RORA: variants seen among roughly 807,000 people sequenced by gnomAD.
The protein encoded by RORA is RAR related orphan receptor A.
Under a neutral mutation model 69.5 loss-of-function variants are expected in RORA, and 7 were observed. The observed-to-expected ratio is 0.10, with a 90% CI of 0.06 to 0.19. The LOEUF (loss-of-function observed/expected upper bound fraction) is 0.19, where lower values mean the gene tolerates loss of function less well. Ranked by LOEUF, RORA falls within the 10% of genes least tolerant of loss-of-function variation. The pLI, the probability that RORA is intolerant of heterozygous loss-of-function variation, is 1.00. For missense variants in RORA, 457 were observed against 663.0 expected (o/e 0.69, Z 3.41); for synonymous variants, 261 against 240.8 (o/e 1.08, Z -0.78).
At chr15:60,689,572 T>C (rs928289756) in intron 1 of RORA, among the ~76,000 whole-genome samples, 1 of 152,206 alleles carries the variant, frequency 6.6e-6, no homozygotes, top group Non-Finnish European at 1.5e-5. Flanking sequence ...TACCTGCGAA[T>C]GTGACCTCAT....
At chr15:60,568,309 G>A (rs749478441) in intron 2 of RORA, among the ~76,000 whole-genome samples, 1 of 152,212 alleles carries the variant, frequency 6.6e-6, no homozygotes, top group Non-Finnish European at 1.5e-5. Flanking sequence ...GGCATCCTGA[G>A]GGTAGTGATG....
chr15:60,958,047 T>C lies in RORA; in HGVS notation c.166+271006A>G, dbSNP rs191276336. ...AATGTCTCCTTTGAAATTGTTCGTC[T>C]ACTTTATTTCTTCAATTGGATAAAT... On this transcript the variant is annotated intron_variant, in intron 1 of 10. Coordinates refer to ENST00000335670, the MANE Select transcript of RORA (RefSeq NM_134261.3). Among the ~76,000 whole-genome samples the C allele has an allele frequency of 3.7e-4, 57 of 152,030 alleles. 1 individual carries two copies. Among genetic ancestry groups the C allele is most frequent in the African/African-American group, 1.3e-3 (56 of 41,534 alleles).
intron 2 of RORA, among the ~76,000 whole-genome samples, chr15:60,586,457 T>G (rs547352727): frequency 2.4e-4 from 36 of 150,690 alleles, no homozygotes; most frequent in Admixed American, 4.0e-4. Flanking sequence ...ATTAGAGGGG[T>G]GTGTGTGTGT....
chr15:60,715,755 C>A (rs948663667), intron 1 of RORA, among the ~76,000 whole-genome samples: 1 of 152,096 alleles, frequency 6.6e-6, no homozygotes, highest in African/African-American at 2.4e-5. Context: ...TAAATGTACA[C>A]AACTGTATGC....
At chr15:61,205,900 G>T (rs1367877368) in intron 1 of RORA, among the ~76,000 whole-genome samples, 4 of 152,164 alleles carry the variant, frequency 2.6e-5, no homozygotes, top group Non-Finnish European at 5.9e-5. Flanking sequence ...TGGGGTTGGT[G>T]GTATGGTAGG....
chr15:61,039,976 A>G (rs1277201358), intron 1 of RORA, among the ~76,000 whole-genome samples: 4 of 150,956 alleles, frequency 2.6e-5, no homozygotes, highest in Non-Finnish European at 5.9e-5. Flanking sequence ...AACTAATGCT[A>G]TTTGGTAAAG....
chr15:61,094,253 C>T (rs1435346771), intron 1 of RORA, among the ~76,000 whole-genome samples: 3 of 152,118 alleles, frequency 2.0e-5, no homozygotes, highest in Non-Finnish European at 2.9e-5. Context: ...GAAGTCTTGC[C>T]CCCAGAAAGA....
chr15:61,229,294 C>A lies in RORA; in HGVS notation c.-76G>T. ...TCTATCTTCTGTTTTCAGAGCAACT[C>A]TATGGTACCAAAAAAAAAAAAAAAA... On this transcript the variant is annotated 5_prime_UTR_variant, in exon 1 of 11. Coordinates refer to ENST00000335670, the MANE Select transcript of RORA (RefSeq NM_134261.3). The A allele has an allele frequency of 1.2e-5, 1 of 82,880 alleles. No individual in the cohort carries two copies. Among genetic ancestry groups the A allele is most frequent in the Non-Finnish European group, 2.0e-5 (1 of 48,900 alleles). 5.1% of individuals were successfully genotyped at this position (82,880 alleles called of 1,614,324 possible).
intron 1 of RORA, among the ~76,000 whole-genome samples, chr15:60,973,415 C>A (rs1010506516): frequency 6.6e-6 from 1 of 152,186 alleles, no homozygotes; most frequent in Non-Finnish European, 1.5e-5. Flanking sequence ...AATTTCTCTG[C>A]CACCCAGAGG....
At chr15:60,924,573 T>C (rs1892152039) in intron 1 of RORA, among the ~76,000 whole-genome samples, 1 of 152,078 alleles carries the variant, frequency 6.6e-6, no homozygotes, top group Admixed American at 6.6e-5. Flanking sequence ...TAGAAATTCT[T>C]GTCCTTGGAT....
At position 60,511,762 on chromosome 15, in the gene RORA, G is replaced by A. The variant is rs2141322079; in HGVS notation, c.425-141C>T. On this transcript the variant is annotated intron_variant, in intron 4 of 10. Coordinates refer to ENST00000335670, the MANE Select transcript of RORA (RefSeq NM_134261.3). The surrounding 1 kb of genome is among the most constrained non-coding windows in gnomAD (Gnocchi z 6.4). ...ACCACAAAATAAGGACATATTCAGA[G>A]GTGAAAACAGTTCCAACCCACACAG... The A allele has an allele frequency of 1.1e-6, 1 of 893,246 alleles. No individual in the cohort carries two copies. Among genetic ancestry groups the A allele is most frequent in the Admixed American group, 2.9e-5 (1 of 34,088 alleles). 55.3% of individuals were successfully genotyped at this position (893,246 alleles called of 1,614,324 possible).
rs7170894 is a variant in RORA, at chr15:60,738,099, C to G, written c.167-59413G>C. ...GGGAGTCCAGACTTAATTTGAAGCTCTACCTTCTCATTTTAGTGAAGCAAG... is the reference window on the plus strand; with the variant it reads ...GGGAGTCCAGACTTAATTTGAAGCTGTACCTTCTCATTTTAGTGAAGCAAG... On this transcript the variant is annotated intron_variant, in intron 1 of 10. Coordinates refer to ENST00000335670, the MANE Select transcript of RORA (RefSeq NM_134261.3). 3.4e-3 allele frequency among the ~76,000 whole-genome samples: 517 copies of G among 152,334 alleles called. 3 individuals are homozygous for G. Among genetic ancestry groups the G allele is most frequent in the African/African-American group, 0.012 (504 of 41,572 alleles).
intron 6 of RORA, 49 bp downstream of exon 6, chr15:60,505,459 C>T (rs202236578): frequency 3.2e-5 from 51 of 1,600,276 alleles, no homozygotes; most frequent in Non-Finnish European, 4.1e-5. Context: ...TACCAACACC[C>T]TTCCCAATAT....
chr15:60,795,667 CAG>C (rs1555454109), intron 1 of RORA, among the ~76,000 whole-genome samples: 1 of 152,150 alleles, frequency 6.6e-6, no homozygotes, highest in Non-Finnish European at 1.5e-5. Context: ...GTGAGTAAGG[CAG>C]AAACAACAGG....
intron 1 of RORA, among the ~76,000 whole-genome samples, chr15:61,162,091 G>A (rs1001390004): frequency 1.3e-5 from 2 of 152,102 alleles, no homozygotes; most frequent in African/African-American, 2.4e-5. Context: ...TCCAAAATAA[G>A]CATCTACTTT....
chr15:60,794,741 A>T (rs965339316), intron 1 of RORA, among the ~76,000 whole-genome samples: 4 of 152,200 alleles, frequency 2.6e-5, no homozygotes, highest in Non-Finnish European at 4.4e-5. Context: ...TTCTATTCTG[A>T]TAGGGTGGAG....
intron 1 of RORA, among the ~76,000 whole-genome samples, chr15:61,055,511 C>T (rs1256797743): frequency 6.6e-6 from 1 of 152,208 alleles, no homozygotes; most frequent in Non-Finnish European, 1.5e-5. Context: ...CCCTACAATG[C>T]CTTGCAGGTG....
intron 2 of RORA, among the ~76,000 whole-genome samples, chr15:60,533,016 CTCTT>C (rs905208605): frequency 5.3e-5 from 8 of 152,220 alleles, no homozygotes; most frequent in Admixed American, 5.2e-4. Flanking sequence ...ACACAGCCCA[CTCTT>C]TCTTCTAATG....
intron 2 of RORA, among the ~76,000 whole-genome samples, chr15:60,603,368 T>G (rs2068865209): frequency 6.6e-6 from 1 of 152,248 alleles, no homozygotes; most frequent in Non-Finnish European, 1.5e-5. Flanking sequence ...TGTGCCATTT[T>G]GCATTCCTAT....
Sources: gnomAD v4.1 joint callset for allele counts (sites outside exome capture counted in the v4.1 genomes callset) on GRCh38, gnomAD v4.1.1 for gene constraint, Gnocchi (gnomAD v3.1) non-coding constraint, MANE v1.5 for transcripts, NCBI Gene and HGNC (gene_info 2026-07-23, HGNC 2026-07-21) for gene names.